LHFPL3: variants seen among roughly 807,000 people sequenced by gnomAD.
The protein encoded by LHFPL3 is LHFPL tetraspan subfamily member 3 protein.
In LHFPL3, 5 loss-of-function variants were observed where a neutral mutation model predicts 19.3. The ratio of observed to expected loss-of-function variants is 0.26; its 90% CI spans 0.14 to 0.54. LHFPL3 has a LOEUF of 0.54. Among genes scored for constraint, LHFPL3 ranks in the 20% least tolerant of loss-of-function variants. The pLI, the probability that LHFPL3 is intolerant of heterozygous loss-of-function variation, is 0.94. For missense variants in LHFPL3, 249 were observed against 307.4 expected, an observed-to-expected ratio of 0.81 and a Z score of 1.42; for synonymous variants, 133 against 126.2, an observed-to-expected ratio of 1.05 and a Z score of -0.36.
intron 1 of LHFPL3, among the ~76,000 whole-genome samples, chr7:104,697,024 C>A (rs1793009860): frequency 6.6e-6 from 1 of 152,180 alleles, no homozygotes; most frequent in East Asian, 1.9e-4. Context: ...AATTCACAGA[C>A]AACTGCCTTC....
intron 2 of LHFPL3, among the ~76,000 whole-genome samples, chr7:104,814,947 G>T (rs1438470354): frequency 6.6e-6 from 1 of 152,202 alleles, no homozygotes; most frequent in East Asian, 1.9e-4. Flanking sequence ...CCCCAGTAGT[G>T]CAGGGATGCC....
chr7:104,884,494 A>T (rs1459793893), intron 2 of LHFPL3, among the ~76,000 whole-genome samples: 3 of 152,230 alleles, frequency 2.0e-5, no homozygotes, highest in Non-Finnish European at 4.4e-5. Flanking sequence ...TCTGCATTTC[A>T]GTGAATTTCC....
chr7:104,741,485 C>A, intron 2 of LHFPL3, among the ~76,000 whole-genome samples: 1 of 145,856 alleles, frequency 6.9e-6, no homozygotes, highest in Non-Finnish European at 1.5e-5. Flanking sequence ...AAAAAAGCCC[C>A]ACTGAAAAAC....
chr7:104,359,163 A>ACACGT, intron 1 of LHFPL3, among the ~76,000 whole-genome samples: 1 of 152,106 alleles, frequency 6.6e-6, no homozygotes, highest in South Asian at 2.1e-4. Flanking sequence ...ACTAGAAACC[A>ACACGT]CACGTTGCAT....
chr7:104,789,754 G>C (rs1789986275), intron 2 of LHFPL3, among the ~76,000 whole-genome samples: 1 of 152,080 alleles, frequency 6.6e-6, no homozygotes, highest in African/African-American at 2.4e-5. Context: ...TAAGTCTCCA[G>C]CACTGATCAT....
chr7:104,638,831 C>T (rs550302661), intron 1 of LHFPL3, among the ~76,000 whole-genome samples: 1 of 150,616 alleles, frequency 6.6e-6, no homozygotes, highest in East Asian at 2.0e-4. Flanking sequence ...GGCACAATCT[C>T]AGCTGACTGC....
chr7:104,475,351 T>C (rs1203366364), intron 1 of LHFPL3, among the ~76,000 whole-genome samples: 2 of 152,186 alleles, frequency 1.3e-5, no homozygotes, highest in African/African-American at 4.8e-5. Context: ...ACCTTTTAAC[T>C]AAACCAGAAT....
intron 1 of LHFPL3, among the ~76,000 whole-genome samples, chr7:104,641,059 G>A (rs575201328): frequency 6.6e-6 from 1 of 152,366 alleles, no homozygotes; most frequent in African/African-American, 2.4e-5. Flanking sequence ...TGGTGAGGGA[G>A]CAAGAATCAG....
intron 1 of LHFPL3, among the ~76,000 whole-genome samples, chr7:104,500,594 T>A (rs1338965704): frequency 6.6e-6 from 1 of 152,228 alleles, no homozygotes; most frequent in Non-Finnish European, 1.5e-5. Flanking sequence ...TACTCTTGGC[T>A]ACTTCAAACT....
At position 104,602,304 on chromosome 7, in the gene LHFPL3, A is replaced by C. The variant is rs138068575; in HGVS notation, c.446-134371A>C. ...CCAAAGTGCTGAGATTACAGGTGTG[A>C]GCCGCTGCGCCCAGCCAGCAATTTA... On this transcript the variant is annotated intron_variant, in intron 1 of 2. Transcript: ENST00000424859. 9.1e-4 allele frequency among the ~76,000 whole-genome samples: 139 copies of C among 152,220 alleles called. 2 individuals carry two copies. The highest frequency in any genetic ancestry group is 3.2e-3 in the African/African-American group (132 of 41,558).
chr7:104,487,960 C>A (rs1441181286), intron 1 of LHFPL3, among the ~76,000 whole-genome samples: 2 of 152,096 alleles, frequency 1.3e-5, no homozygotes, highest in African/African-American at 4.8e-5. Flanking sequence ...AAGAGAGGCT[C>A]CTTCTTGTAA....
intron 1 of LHFPL3, among the ~76,000 whole-genome samples, chr7:104,675,217 G>A (rs952333494): frequency 1.3e-5 from 2 of 152,276 alleles, no homozygotes; most frequent in Non-Finnish European, 2.9e-5. Context: ...ACATCTAAGA[G>A]AAGTGTTTTC....
intron 2 of LHFPL3, among the ~76,000 whole-genome samples, chr7:104,813,796 G>T (rs1205055443): frequency 6.6e-6 from 1 of 152,208 alleles, no homozygotes; most frequent in East Asian, 1.9e-4. Flanking sequence ...ACACGGTGGT[G>T]CCTGAAAGCT....
intron 1 of LHFPL3, among the ~76,000 whole-genome samples, chr7:104,397,257 G>A (rs2040582): frequency 0.39 from 58,669 of 151,868 alleles, 11,755 homozygotes; most frequent in Admixed American, 0.5. Context: ...TTTATATTAT[G>A]TAATATTTTT....
chr7:104,334,219 G>A (rs1283765582), intron 1 of LHFPL3, among the ~76,000 whole-genome samples: 1 of 152,094 alleles, frequency 6.6e-6, no homozygotes, highest in Non-Finnish European at 1.5e-5. Context: ...ATGAATAATC[G>A]GGTGAAGAAT....
chr7:104,770,956 C>G (rs763409569), intron 2 of LHFPL3, among the ~76,000 whole-genome samples: 1 of 152,210 alleles, frequency 6.6e-6, no homozygotes, highest in African/African-American at 2.4e-5. Flanking sequence ...ATTCATTCTG[C>G]TCATTGATGA....
At chr7:104,445,793 A>G (rs571642097) in intron 1 of LHFPL3, among the ~76,000 whole-genome samples, 30 of 152,340 alleles carry the variant, frequency 2.0e-4, no homozygotes, top group Middle Eastern at 3.4e-3. Context: ...AGTATTGCAC[A>G]GTGTAAAACT....
chr7:104,522,752 A>G (rs1215556571), intron 1 of LHFPL3, among the ~76,000 whole-genome samples: 1 of 152,142 alleles, frequency 6.6e-6, no homozygotes, highest in Non-Finnish European at 1.5e-5. Context: ...ATTTGAAGCT[A>G]AGCCCACTGG....
chr7:104,582,522 T>G (rs993006836), intron 1 of LHFPL3, among the ~76,000 whole-genome samples: 2 of 152,000 alleles, frequency 1.3e-5, no homozygotes, highest in African/African-American at 4.8e-5. Flanking sequence ...GTAATAAGGG[T>G]AGACATTCTT....
Sources: gnomAD v4.1 joint callset for allele counts (sites outside exome capture counted in the v4.1 genomes callset) on GRCh38, gnomAD v4.1.1 for gene constraint, MANE v1.5 for transcripts, NCBI Gene and HGNC (gene_info 2026-07-23, HGNC 2026-07-21) for gene names.